Variants in PRICKLE3 observed in about 807,000 individuals in gnomAD.
The protein encoded by PRICKLE3 is prickle planar cell polarity protein 3.
PRICKLE3 carries 17 observed loss-of-function variants against 33.8 expected under a neutral mutation model. The ratio of observed to expected loss-of-function variants is 0.50; its 90% CI spans 0.34 to 0.75. The LOEUF (loss-of-function observed/expected upper bound fraction) is 0.75. Ranked by LOEUF, PRICKLE3 falls within the 30% of genes least tolerant of loss-of-function variation. PRICKLE3 has a pLI of 0.01. For missense variants in PRICKLE3, 573 were observed against 576.7 expected (o/e 0.99, Z 0.07); for synonymous variants, 211 against 219.6 (o/e 0.96, Z 0.34).
In PRICKLE3 at chrX:49,178,112, A is replaced by G. The variant is rs2065429869; in HGVS notation, c.836T>C (p.Phe279Ser). The G allele has an allele frequency of 8.5e-7, 1 of 1,182,723 alleles. No individual in the cohort carries two copies. The highest frequency in any genetic ancestry group is 1.9e-5 in the South Asian group (1 of 52,663). The change falls in exon 7 of 9, where the codon TTT becomes TCT. Residue 279 changes from phenylalanine (F) to serine (S), a missense_variant. Coordinates refer to ENST00000599218, the MANE Select transcript of PRICKLE3 (RefSeq NM_006150.5). ...RHWHMDHFCC[F>S]ECEASLGGQR... ...CCCTCCTAGTGAAGCTTCACACTCAAAGCAGCAGAAGTGATCCATGTGCCA... is the reference window on the plus strand; with the variant it reads ...CCCTCCTAGTGAAGCTTCACACTCAGAGCAGCAGAAGTGATCCATGTGCCA...
intron 1 of PRICKLE3, among the ~76,000 whole-genome samples, chrX:49,185,896 CAAAAAAA>C (rs35472415): frequency 3.4e-5 from 1 of 29,723 alleles, no homozygotes; most frequent in African/African-American, 1.3e-4. Context: ...GATTCAGTCT[CAAAAAAA>C]AAAAAAAAAA....
chrX:49,177,964 C>T, intron 7 of PRICKLE3, 29 bp downstream of exon 7: 1 of 1,136,030 alleles, frequency 8.8e-7, no homozygotes, highest in African/African-American at 1.8e-5. Flanking sequence ...CCATCCATCC[C>T]TCTGTCCAGT....
chrX:49,186,322 G>A lies in PRICKLE3; in HGVS notation c.-25C>T, dbSNP rs782114838. 3.6e-6 allele frequency: 4 copies of A among 1,119,690 alleles called. No individual in the cohort carries two copies. Among genetic ancestry groups the A allele is most frequent in the East Asian group, 7.1e-5 (2 of 28,265 alleles). 92.3% of individuals were successfully genotyped at this position (1,119,690 alleles called of 1,213,427 possible). On this transcript the variant is annotated 5_prime_UTR_variant, in exon 1 of 9. Transcript: ENST00000599218. ...TGGCGCGCCCGGGCAGGGTCAAGCC[G>A]GGCCGGGTCAGGCGAATGTAATCCT...
intron 3 of PRICKLE3, among the ~76,000 whole-genome samples, chrX:49,182,612 ACCT>A (rs2065462354): frequency 9.0e-6 from 1 of 110,907 alleles, no homozygotes; most frequent in African/African-American, 3.3e-5. Flanking sequence ...CTCACTTCTC[ACCT>A]CCTTTCGGGC....
chrX:49,176,353 C>T (rs1187538336), intron 8 of PRICKLE3, 88 bp from the exon 9 acceptor site: 3 of 704,280 alleles, frequency 4.3e-6, no homozygotes, highest in Admixed American at 4.3e-5. Context: ...GCCTTCTTTC[C>T]TCCACTAAGA....
At chrX:49,181,613 A>ACACG (rs1284619705) in intron 3 of PRICKLE3, among the ~76,000 whole-genome samples, 1 of 3,210 alleles carries the variant, frequency 3.1e-4, no homozygotes, top group African/African-American at 4.0e-4. Context: ...GTATATATAT[A>ACACG]TGTGTATATA....
At chrX:49,184,171 A>G (rs1557101565) in intron 2 of PRICKLE3, among the ~76,000 whole-genome samples, 2 of 110,832 alleles carry the variant, frequency 1.8e-5, no homozygotes, top group African/African-American at 6.6e-5. Flanking sequence ...AGACACAGGC[A>G]TCTAACCTGT....
chrX:49,179,768 G>A lies in PRICKLE3; in HGVS notation c.351C>T (p.Val117=), dbSNP rs1557100735. The change falls in exon 4 of 9, where the codon GTC becomes GTT. Residue 117 remains valine (V), a synonymous_variant. Coordinates refer to ENST00000599218, the MANE Select transcript of PRICKLE3 (RefSeq NM_006150.5). The part of the protein sequence containing the change: ...QFFSCLPEDK[V]PYVNSPGEKY... ...TCTCCCCAGGACTGTTGACGTAGGGGACCTTGTCCTCTGGGAGGCAGCTGA... is the reference window on the plus strand; with the variant it reads ...TCTCCCCAGGACTGTTGACGTAGGGAACCTTGTCCTCTGGGAGGCAGCTGA... 1 of 1,173,985 alleles carries A rather than the reference G, an allele frequency of 8.5e-7. No individual in the cohort carries two copies. The highest frequency in any genetic ancestry group is 1.1e-6 in the Non-Finnish European group (1 of 873,488).
chrX:49,179,666 T>C (rs782652440), intron 4 of PRICKLE3, 27 bp downstream of exon 4: 2 of 1,095,012 alleles, frequency 1.8e-6, no homozygotes, highest in Non-Finnish European at 2.5e-6. Flanking sequence ...GTGCCTGGCA[T>C]GCCCTTCCTG....
rs984500158 is a variant in PRICKLE3, at chrX:49,183,779, T to C, written c.267A>G (p.Ala89=). 3 of 1,209,942 alleles carry C rather than the reference T, an allele frequency of 2.5e-6. No homozygotes were observed. Among genetic ancestry groups the C allele is most frequent in the Admixed American group, 2.2e-5 (1 of 45,826 alleles). Residue 89 remains alanine (A), a synonymous_variant, in exon 3 of 9, where the codon GCA becomes GCG. Coordinates refer to ENST00000599218, the MANE Select transcript of PRICKLE3 (RefSeq NM_006150.5). ...GGGGCACCCAGGCATACTCCTCCGA[T>C]GCACAGCCTGAGTCGTCGTCGGAGA... ...HSISDDDSGC[A]SEEYAWVPPG...
At chrX:49,182,527 C>T (rs4824745) in intron 3 of PRICKLE3, among the ~76,000 whole-genome samples, 8,984 of 112,616 alleles carry the variant, frequency 0.08, 328 homozygotes, top group South Asian at 0.25. Flanking sequence ...GCCAAGCACA[C>T]GCCTGCCTCA....
intron 3 of PRICKLE3, among the ~76,000 whole-genome samples, chrX:49,181,872 C>T (rs1027576367): frequency 9.3e-6 from 1 of 107,280 alleles, no homozygotes; most frequent in East Asian, 2.9e-4. Context: ...TGGTCTCAAA[C>T]TCCCGACCTC....
intron 3 of PRICKLE3, among the ~76,000 whole-genome samples, chrX:49,181,619 A>G (rs782605280): frequency 2.0e-4 from 3 of 15,285 alleles, no homozygotes; most frequent in African/African-American, 2.2e-4. Context: ...ATATATGTGT[A>G]TATATATATA....
At chrX:49,180,894 G>A (rs2065445601) in intron 3 of PRICKLE3, among the ~76,000 whole-genome samples, 1 of 111,305 alleles carries the variant, frequency 9.0e-6, no homozygotes, top group Admixed American at 9.6e-5. Context: ...TCCAGGCAAT[G>A]TGGCTATTTA....
chrX:49,176,322 T>G, intron 8 of PRICKLE3, 57 bp from the exon 9 acceptor site: 2 of 933,329 alleles, frequency 2.1e-6, no homozygotes, highest in Non-Finnish European at 2.9e-6. Flanking sequence ...GGCCCCCTCC[T>G]AAGAGGAGGC....
Position 49,175,592 on chromosome X carries a change from G to A in PRICKLE3, c.*81C>T. 1 of 818,134 alleles carries A rather than the reference G, an allele frequency of 1.2e-6. No homozygotes were observed. Among genetic ancestry groups the A allele is most frequent in the East Asian group, 3.3e-5 (1 of 30,350 alleles). 67.4% of individuals were successfully genotyped at this position (818,134 alleles called of 1,213,427 possible). A position where few individuals can be genotyped will look rare whatever the true frequency, so the allele number is the denominator to read the frequency against. ...GAGGATTTATGACTTAGGTTGTAGG[G>A]GCGGGGCGTGGGGGTGAGGGGCATG... On this transcript the variant is annotated 3_prime_UTR_variant, in exon 9 of 9. Coordinates refer to ENST00000599218, the MANE Select transcript of PRICKLE3 (RefSeq NM_006150.5).
At chrX:49,183,530 G>A (rs893261191) in intron 3 of PRICKLE3, 93 of 843,627 alleles carry the variant, frequency 1.1e-4, no homozygotes, top group Non-Finnish European at 1.5e-4. Context: ...GGGTGAACAG[G>A]CCCTGAGGAA....
In PRICKLE3 at chrX:49,179,458, C is replaced by T. The variant is rs1390832133; in HGVS notation, c.427-70G>A. ...CCCTGCCCCTCTTCCAGACTTCATCCATGCCCCGAAAGTTTACTTCTAGGT... is the reference window on the plus strand; with the variant it reads ...CCCTGCCCCTCTTCCAGACTTCATCTATGCCCCGAAAGTTTACTTCTAGGT... On this transcript the variant is annotated intron_variant, in intron 4 of 8. Transcript: ENST00000599218. The T allele has an allele frequency of 2.4e-5, 28 of 1,164,824 alleles. No individual in the cohort carries two copies. In the East Asian group the frequency reaches 8.5e-4, roughly 35 times the overall value.
rs1051200049 is a variant in PRICKLE3, at chrX:49,178,057, G to T, written c.891C>A (p.Pro297=). The change falls in exon 7 of 9, where the codon CCC becomes CCA. Residue 297 remains proline, a synonymous_variant. Transcript: ENST00000599218. ...GGGCCTCGTAGCAGGCGCAGCAGTG[G>T]GGGCGGCTCTGACGCATGACATAGC... The part of the protein sequence containing the change: ...GQRYVMRQSR[P]HCCACYEARH... 6.0e-6 allele frequency: 7 copies of T among 1,161,888 alleles called. No homozygotes were observed. In the South Asian group the frequency reaches 1.2e-4, roughly 20 times the overall value.
Sources: allele counts gnomAD v4.1 joint callset (sites outside exome capture counted in the v4.1 genomes callset), GRCh38; gene constraint gnomAD v4.1.1; transcripts MANE v1.5; gene names NCBI Gene and HGNC (gene_info 2026-07-23, HGNC 2026-07-21).